CCDC60: variants seen among roughly 807,000 people sequenced by gnomAD.
CCDC60 encodes coiled-coil domain-containing protein 60.
In CCDC60, 54 loss-of-function variants were observed where a neutral mutation model predicts 63.5. The observed-to-expected ratio is 0.85, with a 90% CI of 0.68 to 1.07. CCDC60 has a LOEUF of 1.07. Ranked by LOEUF, CCDC60 falls within the 50% of genes least tolerant of loss-of-function variation. The pLI, the probability that CCDC60 is intolerant of heterozygous loss-of-function variation, is 0.00. For missense variants in CCDC60, 651 were observed against 684.3 expected (o/e 0.95, Z 0.54); for synonymous variants, 206 against 238.8 (o/e 0.86, Z 1.27).
intron 12 of CCDC60, among the ~76,000 whole-genome samples, chr12:119,530,454 T>C (rs995007067): frequency 6.6e-6 from 1 of 151,862 alleles, no homozygotes; most frequent in South Asian, 2.1e-4. Context: ...ATCAAAGAGA[T>C]AGAAAATACA....
chr12:119,450,651 G>A (rs956508083), intron 2 of CCDC60, among the ~76,000 whole-genome samples: 2 of 152,144 alleles, frequency 1.3e-5, no homozygotes, highest in African/African-American at 4.8e-5. Context: ...AAGGTCAAGA[G>A]ATGGAGACCA....
At chr12:119,491,311 C>T (rs1484263884) in intron 5 of CCDC60, among the ~76,000 whole-genome samples, 2 of 152,024 alleles carry the variant, frequency 1.3e-5, no homozygotes, top group African/African-American at 4.8e-5. Flanking sequence ...TTACACATCT[C>T]TTTTTGTTTG....
Position 119,479,223 on chromosome 12 carries a change from T to G in CCDC60, c.449+22T>G, listed in dbSNP as rs75300727. The G allele has an allele frequency of 9.3e-4, 1,433 of 1,543,216 alleles. 16 individuals carry two copies. In the African/African-American group the frequency reaches 0.017, roughly 18 times the overall value. ...ACGTGTAAGTAGTCTCACCTCCAGCTCATTTGCTTTGCTAGCTTATAAATT... is the reference window on the plus strand; with the variant it reads ...ACGTGTAAGTAGTCTCACCTCCAGCGCATTTGCTTTGCTAGCTTATAAATT... On this transcript the variant is annotated intron_variant, in intron 4 of 13. Coordinates refer to ENST00000327554, the MANE Select transcript of CCDC60 (RefSeq NM_178499.5).
At chr12:119,540,129 C>T (rs1953116317) in intron 13 of CCDC60, among the ~76,000 whole-genome samples, 1 of 152,118 alleles carries the variant, frequency 6.6e-6, no homozygotes, top group Admixed American at 6.5e-5. Flanking sequence ...CCTATTCAGC[C>T]GTCTTGCTAG....
rs1324065169 is a variant in CCDC60 at position 119,406,194 on chromosome 12, T to TAG, written c.91-22488_91-22487insGA. ...CTCAAAAAATATATATATATATAGA[T>TAG]ATATATATATAGAGAGAGAGAGAGA... is the stretch of plus-strand genomic sequence containing the variant. On this transcript the variant is annotated intron_variant, in intron 1 of 13. Transcript: ENST00000327554. 3.8e-3 allele frequency among the ~76,000 whole-genome samples: 359 copies of TAG among 94,982 alleles called. 1 individual carries two copies. The highest frequency in any genetic ancestry group is 0.012 in the African/African-American group (319 of 26,376). 62.3% of individuals were successfully genotyped at this position (94,982 alleles called of 152,430 possible). A position where few individuals can be genotyped will look rare whatever the true frequency, so the allele number is the denominator to read the frequency against.
intron 5 of CCDC60, among the ~76,000 whole-genome samples, chr12:119,493,933 C>T (rs1357793884): frequency 2.0e-5 from 3 of 152,026 alleles, no homozygotes; most frequent in Non-Finnish European, 2.9e-5. Context: ...TGTCATCAAA[C>T]ACAATATTTC....
At chr12:119,458,856 C>G (rs991384048) in intron 2 of CCDC60, among the ~76,000 whole-genome samples, 1 of 152,144 alleles carries the variant, frequency 6.6e-6, no homozygotes, top group Non-Finnish European at 1.5e-5. Context: ...AAGCGATTCT[C>G]TTGCCTCAGC....
Position 119,481,627 on chromosome 12 carries a change from G to C in CCDC60, c.449+2426G>C, listed in dbSNP as rs928499453. 5.9e-5 allele frequency among the ~76,000 whole-genome samples: 9 copies of C among 152,062 alleles called. No homozygotes were observed. In the South Asian group the frequency reaches 1.7e-3, roughly 28 times the overall value. ...TTTTTTAATTTTTTTATTTCCATAG[G>C]TTTTTGGGGAACAGGTGGTGTTTGG... is the stretch of plus-strand genomic sequence containing the variant. On this transcript the variant is annotated intron_variant, in intron 4 of 13. Coordinates refer to ENST00000327554, the MANE Select transcript of CCDC60 (RefSeq NM_178499.5).
At chr12:119,523,039 G>A in intron 10 of CCDC60, 38 bp downstream of exon 10, 1 of 1,561,032 alleles carries the variant, frequency 6.4e-7, no homozygotes, top group South Asian at 1.1e-5. Context: ...CACGCAAGAG[G>A]GAATATGGTG....
In CCDC60 at chr12:119,491,435, T is replaced by C. The variant is rs375271692; in HGVS notation, c.557+2569T>C. ...CCTCCGCCTCCTGGGTTCACGCCAT[T>C]CTCCTGCCTCAGCCTCCTGAGCAGC... is the stretch of plus-strand genomic sequence containing the variant. On this transcript the variant is annotated intron_variant, in intron 5 of 13. Transcript: ENST00000327554. Among the ~76,000 whole-genome samples, 12 of 152,230 alleles carry C rather than the reference T, an allele frequency of 7.9e-5. No homozygotes were observed. In the East Asian group the frequency reaches 2.3e-3, roughly 29 times the overall value.
Position 119,345,386 on chromosome 12 carries a change from C to T in CCDC60, c.90+10120C>T, listed in dbSNP as rs183076064. On this transcript the variant is annotated intron_variant, in intron 1 of 13. Coordinates refer to ENST00000327554, the MANE Select transcript of CCDC60 (RefSeq NM_178499.5). ...GTGTGGTGGCATGTGCCTATAATCC[C>T]AGCTACTCAGGAGGCTGAGGCAGGA... Among the ~76,000 whole-genome samples, 722 of 152,218 alleles carry T rather than the reference C, an allele frequency of 4.7e-3. 6 individuals carry two copies. The highest frequency in any genetic ancestry group is 0.017 in the African/African-American group (698 of 41,520).
At chr12:119,464,617 C>T (rs1461071023) in intron 2 of CCDC60, among the ~76,000 whole-genome samples, 1 of 152,144 alleles carries the variant, frequency 6.6e-6, no homozygotes, top group East Asian at 1.9e-4. Flanking sequence ...GTCAGACACA[C>T]CTCATTGTAC....
chr12:119,499,955 G>A, intron 5 of CCDC60, 123 bp from the exon 6 acceptor site: 2 of 757,862 alleles, frequency 2.6e-6, no homozygotes, highest in Admixed American at 1.9e-5. Context: ...GTAGAGGAGT[G>A]GGGGAGGAAA....
chr12:119,339,169 A>G (rs2136140431), intron 1 of CCDC60, among the ~76,000 whole-genome samples: 1 of 152,246 alleles, frequency 6.6e-6, no homozygotes, highest in South Asian at 2.1e-4. Flanking sequence ...GTCTAATGGG[A>G]TCAGACATGG....
At chr12:119,504,717 T>C (rs1951946306) in intron 6 of CCDC60, among the ~76,000 whole-genome samples, 1 of 152,218 alleles carries the variant, frequency 6.6e-6, no homozygotes. Flanking sequence ...CAATAGTTAT[T>C]ACAAAAGAAA....
intron 7 of CCDC60, among the ~76,000 whole-genome samples, chr12:119,513,388 T>A (rs1272244339): frequency 6.6e-6 from 1 of 152,210 alleles, no homozygotes; most frequent in African/African-American, 2.4e-5. Flanking sequence ...AACATGTCCA[T>A]AGGGCCATGC....
At chr12:119,529,070 T>G (rs1164435054) in intron 12 of CCDC60, among the ~76,000 whole-genome samples, 1 of 152,022 alleles carries the variant, frequency 6.6e-6, no homozygotes, top group Non-Finnish European at 1.5e-5. Context: ...AACCTGAAAA[T>G]TTCTACAGAT....
chr12:119,426,634 C>T (rs140691962), intron 1 of CCDC60, among the ~76,000 whole-genome samples: 22 of 152,296 alleles, frequency 1.4e-4, no homozygotes, highest in Middle Eastern at 3.4e-3. Flanking sequence ...CCTAGGATTA[C>T]GGACATGAGC....
At chr12:119,511,584 C>G (rs1402857338) in intron 7 of CCDC60, among the ~76,000 whole-genome samples, 3 of 152,198 alleles carry the variant, frequency 2.0e-5, no homozygotes, top group African/African-American at 7.2e-5. Context: ...CCTCTATTCC[C>G]CCTCCCCAAA....
Sources: gnomAD v4.1 joint callset for allele counts (sites outside exome capture counted in the v4.1 genomes callset) on GRCh38, gnomAD v4.1.1 for gene constraint, MANE v1.5 for transcripts, NCBI Gene and HGNC (gene_info 2026-07-23, HGNC 2026-07-21) for gene names.